TBC1D2: variants seen among roughly 807,000 people sequenced by gnomAD.
The protein encoded by TBC1D2 is TBC1 domain family member 2A.
A neutral mutation model predicts 91.1 loss-of-function variants in TBC1D2; 58 were observed. The observed-to-expected ratio is 0.64, with a 90% CI of 0.52 to 0.79. TBC1D2 has a LOEUF of 0.79. Among genes scored for constraint, TBC1D2 ranks in the 30% least tolerant of loss-of-function variants. TBC1D2 has a pLI of 0.00. For missense variants in TBC1D2, 1,080 were observed against 1,208.3 expected (o/e 0.89, Z 1.57); for synonymous variants, 482 against 511.5 (o/e 0.94, Z 0.78).
chr9:98,201,769 G>C (rs1204708216), intron 10 of TBC1D2, 105 bp from the exon 11 acceptor site: 2 of 1,214,950 alleles, frequency 1.6e-6, no homozygotes, highest in Non-Finnish European at 2.2e-6. Context: ...TCCTGAAGCT[G>C]CTCTGGGCAG....
chr9:98,208,993 G>T lies in TBC1D2; in HGVS notation c.1825C>A (p.Leu609Met). The change falls in exon 9 of 13, where the codon CTG becomes ATG. Residue 609 changes from leucine to methionine, a missense_variant. Physicochemically the swap from Leu to Met is conservative, Grantham distance 15. Coordinates refer to ENST00000465784, the MANE Select transcript of TBC1D2 (RefSeq NM_001267571.2). ...DRPLRERWAA[L>M]GDLVPSAELK... The stretch of plus-strand genomic sequence containing the variant: ...TCGGCTGAGGGCACAAGATCGCCCA[G>T]GGCAGCCCAGCGCTCCCTCAGCGGC... 6.2e-7 allele frequency: 1 copy of T among 1,614,096 alleles called. No individual in the cohort carries two copies. Among genetic ancestry groups the T allele is most frequent in the Non-Finnish European group, 8.5e-7 (1 of 1,180,010 alleles).
At chr9:98,223,666 C>T (rs573983886) in intron 5 of TBC1D2, among the ~76,000 whole-genome samples, 2 of 152,290 alleles carry the variant, frequency 1.3e-5, no homozygotes, top group South Asian at 4.1e-4. Context: ...AAGCTTATTT[C>T]ATTACATCTA....
At chr9:98,247,148 G>A (rs953195993) in intron 2 of TBC1D2, among the ~76,000 whole-genome samples, 3 of 151,744 alleles carry the variant, frequency 2.0e-5, no homozygotes, top group African/African-American at 7.3e-5. Flanking sequence ...GCCAACGTGG[G>A]GAAACCCATC....
At position 98,233,446 on chromosome 9, in the gene TBC1D2, G is replaced by A; in HGVS notation, c.751C>T (p.Gln251Ter). 6.2e-7 allele frequency: 1 copy of A among 1,614,106 alleles called. No individual in the cohort carries two copies. The highest frequency in any genetic ancestry group is 8.5e-7 in the Non-Finnish European group (1 of 1,179,968). ...PQSGEPQREE[Q>*]PLASDASTPG... ...GTGCTGGCGTCAGAGGCCAAGGGCT[G>A]CTCCTCCCTCTGAGGCTCCCCACTC... The change falls in exon 4 of 13, where the codon CAG (glutamine) becomes TAG (stop). Residue 251 changes from glutamine (Q) to a stop codon, truncating the protein, a stop_gained. Transcript: ENST00000465784. LOFTEE classifies it high-confidence loss of function.
chr9:98,202,820 A>G (rs1828543553), intron 10 of TBC1D2, among the ~76,000 whole-genome samples: 1 of 152,388 alleles, frequency 6.6e-6, no homozygotes, highest in East Asian at 1.9e-4. Flanking sequence ...TAAAAATTAA[A>G]TATGTACATT....
intron 1 of TBC1D2, 118 bp from the exon 2 acceptor site, chr9:98,252,044 G>A (rs1829885034): frequency 1.3e-5 from 14 of 1,099,602 alleles, no homozygotes; most frequent in South Asian, 7.7e-5. Flanking sequence ...AAAAAAAAAA[G>A]GGGGTCACTG....
intron 4 of TBC1D2, among the ~76,000 whole-genome samples, chr9:98,230,922 A>C (rs1205682614): frequency 6.6e-6 from 1 of 152,152 alleles, no homozygotes; most frequent in Non-Finnish European, 1.5e-5. Context: ...TGAGTGCAAA[A>C]CCAGAACAGT....
rs189837783 is a variant in TBC1D2, at chr9:98,220,131, C to T, written c.1374+702G>A. On this transcript the variant is annotated intron_variant, in intron 6 of 12. Transcript: ENST00000465784. ...CAGGGATGGTGGCAGCAGCTAGAAG[C>T]GGCAGCTGAGCAGACAGACCAGACC... 8.8e-4 allele frequency among the ~76,000 whole-genome samples: 134 copies of T among 152,256 alleles called. 1 individual carries two copies. Among genetic ancestry groups the T allele is most frequent in the African/African-American group, 3.0e-3 (123 of 41,542 alleles).
Position 98,219,629 on chromosome 9 carries a change from G to C in TBC1D2, c.1374+1204C>G, listed in dbSNP as rs529793252. 2.0e-5 allele frequency among the ~76,000 whole-genome samples: 3 copies of C among 152,334 alleles called. No individual in the cohort carries two copies. The East Asian group carries it at 5.8e-4, about 29-fold the overall frequency. ...TCCGAGGCTGCAGACCTGTGCACCT[G>C]TTACGGTACTGAATACCATAGGTGG... On this transcript the variant is annotated intron_variant, in intron 6 of 12. Coordinates refer to ENST00000465784, the MANE Select transcript of TBC1D2 (RefSeq NM_001267571.2).
chr9:98,204,210 C>T lies in TBC1D2; in HGVS notation c.2151-802G>A, dbSNP rs887400947. On this transcript the variant is annotated intron_variant, in intron 9 of 12. Coordinates refer to ENST00000465784, the MANE Select transcript of TBC1D2 (RefSeq NM_001267571.2). The stretch of plus-strand genomic sequence containing the variant: ...AGAAGTCATTTTCCAAAAATGTCTT[C>T]CAGGGACTACTGGTCTCCCAAGATG... 2.0e-5 allele frequency among the ~76,000 whole-genome samples: 3 copies of T among 152,296 alleles called. No homozygotes were observed. In the East Asian group the frequency reaches 5.8e-4, roughly 29 times the overall value.
chr9:98,228,475 G>C lies in TBC1D2; in HGVS notation c.978+477C>G, dbSNP rs1053039855. Among the ~76,000 whole-genome samples the C allele has an allele frequency of 6.6e-6, 1 of 152,074 alleles. No homozygotes were observed. Among genetic ancestry groups the C allele is most frequent in the Non-Finnish European group, 1.5e-5 (1 of 68,024 alleles). On this transcript the variant is annotated intron_variant, in intron 5 of 12. Coordinates refer to ENST00000465784, the MANE Select transcript of TBC1D2 (RefSeq NM_001267571.2). The surrounding 1 kb of genome is among the most constrained non-coding windows in gnomAD (Gnocchi z 4.0). ...ATATTCCTTTCACTGTTTCTGTGTT[G>C]GTCCTGGCTTAGCCCTGGGCCACAC...
chr9:98,210,052 C>T (rs1828790009), intron 8 of TBC1D2, among the ~76,000 whole-genome samples: 1 of 151,644 alleles, frequency 6.6e-6, no homozygotes, highest in Admixed American at 6.6e-5. Context: ...GCTCAAACTC[C>T]TGGCCTCAAG....
intron 3 of TBC1D2, among the ~76,000 whole-genome samples, chr9:98,242,523 C>G (rs1829667636): frequency 6.6e-6 from 1 of 151,828 alleles, no homozygotes; most frequent in Admixed American, 6.6e-5. Flanking sequence ...GTTTGAATTC[C>G]TGAAAGTTTC....
At position 98,220,871 on chromosome 9, in the gene TBC1D2, C is replaced by G; in HGVS notation, c.1336G>C (p.Asp446His). 6.2e-7 allele frequency: 1 copy of G among 1,614,164 alleles called. No individual in the cohort carries two copies. Among genetic ancestry groups the G allele is most frequent in the South Asian group, 1.1e-5 (1 of 91,086 alleles). Residue 446 changes from aspartate to histidine, a missense_variant, in exon 6 of 13, where the codon GAC becomes CAC. Asp to His is a moderately conservative substitution (Grantham distance 81). Coordinates refer to ENST00000465784, the MANE Select transcript of TBC1D2 (RefSeq NM_001267571.2). ...SPLRPDAANR[D>H]FLSQQGKIEH... ...ATCTTCCCCTGCTGGCTCAGGAAGTCCCTGTTGGCAGCGTCGGGGCGCAAA... is the reference window on the plus strand; with the variant it reads ...ATCTTCCCCTGCTGGCTCAGGAAGTGCCTGTTGGCAGCGTCGGGGCGCAAA...
At chr9:98,212,729 C>G (rs1207389077) in intron 7 of TBC1D2, among the ~76,000 whole-genome samples, 1 of 152,034 alleles carries the variant, frequency 6.6e-6, no homozygotes, top group African/African-American at 2.4e-5. Flanking sequence ...TGGTCTCAAT[C>G]TCCTGACCTT....
intron 7 of TBC1D2, 118 bp downstream of exon 7, chr9:98,212,990 G>A (rs1828885219): frequency 2.7e-6 from 3 of 1,106,850 alleles, no homozygotes; most frequent in East Asian, 2.5e-5. Flanking sequence ...CTCACAAGGG[G>A]TCAGTTCAGA....
At chr9:98,201,417 G>T in intron 11 of TBC1D2, 62 bp downstream of exon 11, 1 of 1,487,186 alleles carries the variant, frequency 6.7e-7, no homozygotes, top group Non-Finnish European at 9.2e-7. Context: ...GCAGAGTCAA[G>T]ACGCAGATGG....
chr9:98,223,791 G>C (rs972101130), intron 5 of TBC1D2, among the ~76,000 whole-genome samples: 1 of 152,198 alleles, frequency 6.6e-6, no homozygotes, highest in Non-Finnish European at 1.5e-5. Context: ...TAAAAGAACG[G>C]AACCAGGGCA....
chr9:98,231,212 T>C (rs970487736), intron 4 of TBC1D2, among the ~76,000 whole-genome samples: 14 of 147,516 alleles, frequency 9.5e-5, no homozygotes, highest in South Asian at 4.3e-4. Flanking sequence ...AAGGGCTGAC[T>C]GGGAGAGGAA....
Sources: allele counts gnomAD v4.1 joint callset (sites outside exome capture counted in the v4.1 genomes callset), GRCh38; gene constraint gnomAD v4.1.1; non-coding constraint Gnocchi (gnomAD v3.1); transcripts MANE v1.5; gene names NCBI Gene and HGNC (gene_info 2026-07-23, HGNC 2026-07-21).